DLG5: variants seen among roughly 807,000 people sequenced by gnomAD.
DLG5 encodes the protein discs large MAGUK scaffold protein 5.
A neutral mutation model predicts 189.8 loss-of-function variants in DLG5; 48 were observed. The observed-to-expected ratio is 0.25, with a 90% CI of 0.20 to 0.32. The LOEUF is 0.32. DLG5 is among the 10% of genes least tolerant of loss of function. DLG5 has a pLI of 1.00. For synonymous variants in DLG5, 1,016 were observed against 1,054.1 expected, an observed-to-expected ratio of 0.96 and a Z score of 0.70; for missense variants, 2,160 against 2,544.7, an observed-to-expected ratio of 0.85 and a Z score of 3.25.
At chr10:77,820,931 G>T in intron 15 of DLG5, 151 bp downstream of exon 15, 1 of 998,846 alleles carries the variant, frequency 1.0e-6, no homozygotes, top group Non-Finnish European at 1.4e-6. Flanking sequence ...CTCCTAGCTG[G>T]GCCACTTCCC....
intron 1 of DLG5, among the ~76,000 whole-genome samples, chr10:77,891,263 TTGGCTTCGCACTC>T (rs1845598583): frequency 6.6e-6 from 1 of 152,208 alleles, no homozygotes; most frequent in East Asian, 1.9e-4. Flanking sequence ...AGGCTCACAA[TTGGCTTCGCACTC>T]TGCTGTTGCC....
At chr10:77,826,397 G>C (rs1451856876) in intron 13 of DLG5, among the ~76,000 whole-genome samples, 1 of 152,154 alleles carries the variant, frequency 6.6e-6, no homozygotes, top group Non-Finnish European at 1.5e-5. Flanking sequence ...GGGAGGCTGA[G>C]GGCAGATCGT....
In DLG5 at chr10:77,822,966, T is replaced by A. The variant is rs562997540; in HGVS notation, c.2383-865A>T. ...GGAATTTTTAGAGCAGTGAAACTACTCTGTATGATATTACAATGGTAGTAC... is the reference window on the plus strand; with the variant it reads ...GGAATTTTTAGAGCAGTGAAACTACACTGTATGATATTACAATGGTAGTAC... On this transcript the variant is annotated intron_variant, in intron 14 of 31. Transcript: ENST00000372391. Among the ~76,000 whole-genome samples the A allele has an allele frequency of 5.3e-5, 8 of 152,322 alleles. 1 individual carries two copies. The highest frequency in any genetic ancestry group is 1.9e-4 in the African/African-American group (8 of 41,562).
intron 5 of DLG5, among the ~76,000 whole-genome samples, chr10:77,846,109 G>C (rs1291151268): frequency 6.6e-6 from 1 of 152,162 alleles, no homozygotes; most frequent in African/African-American, 2.4e-5. Context: ...GCTGGGCGTG[G>C]TGGCGGGCAC....
chr10:77,898,106 T>G (rs887868012), intron 1 of DLG5, among the ~76,000 whole-genome samples: 4 of 152,120 alleles, frequency 2.6e-5, no homozygotes, highest in Non-Finnish European at 4.4e-5. Context: ...ACAAGCACCT[T>G]CCTCCCAGGA....
At chr10:77,924,178 T>A (rs895957980) in intron 1 of DLG5, among the ~76,000 whole-genome samples, 2 of 152,226 alleles carry the variant, frequency 1.3e-5, no homozygotes, top group Admixed American at 6.5e-5. Context: ...GTTTTTCTAA[T>A]GCATTAAGTA....
intron 7 of DLG5, among the ~76,000 whole-genome samples, chr10:77,836,825 G>A (rs904272366): frequency 6.6e-6 from 1 of 151,526 alleles, no homozygotes; most frequent in Non-Finnish European, 1.5e-5. Context: ...AATCATTTCA[G>A]TTTTGATTTT....
intron 5 of DLG5, among the ~76,000 whole-genome samples, chr10:77,844,360 G>A (rs1170169430): frequency 6.6e-6 from 1 of 152,186 alleles, no homozygotes; most frequent in African/African-American, 2.4e-5. Context: ...TTTGCCTCAC[G>A]CGCCTTTCCC....
At chr10:77,869,747 A>C (rs1844825990) in intron 1 of DLG5, 1 of 152,866 alleles carries the variant, frequency 6.5e-6, no homozygotes, top group Admixed American at 6.5e-5. Flanking sequence ...CCAAAGCCAG[A>C]GGGTAGCACT....
chr10:77,829,042 C>A, intron 12 of DLG5, 57 bp from the exon 13 acceptor site: 1 of 1,540,562 alleles, frequency 6.5e-7, no homozygotes, highest in South Asian at 1.1e-5. Flanking sequence ...AGCCCTGGGT[C>A]ACCCTACCTC....
rs765864338 is a variant in DLG5, at chr10:77,816,531, C to T, written c.4025+20G>A. ...CTGTCCACTGGTTTACCCACTCCAC[C>T]GATGACCGGCCATGCTCACCTGTCC... is the stretch of plus-strand genomic sequence containing the variant. On this transcript the variant is annotated intron_variant, in intron 20 of 31. Coordinates refer to ENST00000372391, the MANE Select transcript of DLG5 (RefSeq NM_004747.4). The T allele has an allele frequency of 5.6e-6, 9 of 1,613,840 alleles. No homozygotes were observed. Among genetic ancestry groups the T allele is most frequent in the African/African-American group, 1.3e-5 (1 of 74,944 alleles).
intron 14 of DLG5, among the ~76,000 whole-genome samples, chr10:77,822,967 C>T (rs2154575689): frequency 6.6e-6 from 1 of 152,290 alleles, no homozygotes; most frequent in East Asian, 1.9e-4. Context: ...TGAAACTACT[C>T]TGTATGATAT....
rs1303519149 is a variant in DLG5 at position 77,805,776 on chromosome 10, G to A, written c.5053C>T (p.Arg1685Cys). 3.1e-6 allele frequency: 5 copies of A among 1,614,198 alleles called. No individual in the cohort carries two copies. Among genetic ancestry groups the A allele is most frequent in the East Asian group, 4.5e-5 (2 of 44,868 alleles). Residue 1685 changes from arginine (R) to cysteine (C), a missense_variant, in exon 27 of 32, where the codon CGC becomes TGC. Transcript: ENST00000372391. ...SATKTLSAAA[R>C]RSFFRRKHKH... ...TGTTTCCTCCGAAAAAAGGACCGGC[G>A]TGCAGCCGCTGACAGCGTCTTTGTG...
chr10:77,865,616 A>G (rs543619347), intron 2 of DLG5, among the ~76,000 whole-genome samples: 2 of 152,222 alleles, frequency 1.3e-5, no homozygotes, highest in South Asian at 4.1e-4. Flanking sequence ...CTACTGAGAA[A>G]TTAGGTCAGG....
chr10:77,898,054 T>C (rs1229257562), intron 1 of DLG5, among the ~76,000 whole-genome samples: 1 of 152,174 alleles, frequency 6.6e-6, no homozygotes, highest in Non-Finnish European at 1.5e-5. Context: ...AAGACCAGCA[T>C]GGCTTCAAGG....
intron 15 of DLG5, 185 bp from the exon 16 acceptor site, chr10:77,820,203 G>A: frequency 2.8e-6 from 2 of 723,762 alleles, no homozygotes; most frequent in South Asian, 1.9e-5. Context: ...AAAATTAGCT[G>A]GGCATGGTAG....
Position 77,812,311 on chromosome 10 carries a change from G to A in DLG5, c.4092C>T (p.Ile1364=), listed in dbSNP as rs1402006813. The A allele has an allele frequency of 6.8e-6, 11 of 1,614,070 alleles. No individual in the cohort carries two copies. Among genetic ancestry groups the A allele is most frequent in the South Asian group, 3.3e-5 (3 of 91,092 alleles). ...AGATGCCGCCCTTCTCTCCACTCAC[G>A]ATGGAGATGCCCAGCGGCTCTGAGC... ...QKGSEPLGIS[I]VSGEKGGIYV... Residue 1364 remains isoleucine (I), a synonymous_variant, in exon 21 of 32, where the codon ATC becomes ATT. Transcript: ENST00000372391.
chr10:77,840,060 C>T (rs1316211468), intron 7 of DLG5, among the ~76,000 whole-genome samples: 1 of 152,238 alleles, frequency 6.6e-6, no homozygotes, highest in Non-Finnish European at 1.5e-5. Context: ...TTCATCATGA[C>T]CACCATTCCA....
intron 25 of DLG5, among the ~76,000 whole-genome samples, chr10:77,807,590 C>T (rs1257925599): frequency 6.6e-6 from 1 of 152,188 alleles, no homozygotes; most frequent in Non-Finnish European, 1.5e-5. Flanking sequence ...AGAGGGGGCC[C>T]AGCTGGTTCT....
Sources: gnomAD v4.1 joint callset for allele counts (sites outside exome capture counted in the v4.1 genomes callset) on GRCh38, gnomAD v4.1.1 for gene constraint, MANE v1.5 for transcripts, NCBI Gene and HGNC (gene_info 2026-07-23, HGNC 2026-07-21) for gene names.